The following APBB1IP variants were observed in gnomAD, a reference collection of about 807,000 sequenced individuals.
APBB1IP encodes the protein amyloid beta A4 precursor protein-binding family B member 1-interacting protein.
APBB1IP carries 27 observed loss-of-function variants against 64.9 expected under a neutral mutation model. The observed-to-expected ratio is 0.42, with a 90% CI of 0.31 to 0.57. The LOEUF (loss-of-function observed/expected upper bound fraction) is 0.57. Ranked by LOEUF, APBB1IP falls within the 20% of genes least tolerant of loss-of-function variation. The pLI is 0.20. For missense variants in APBB1IP, 812 were observed against 845.5 expected (o/e 0.96, Z 0.49); for synonymous variants, 392 against 331.0 (o/e 1.18, Z -2.00).
At chr10:26,565,852 G>C (rs1837036139) in intron 14 of APBB1IP, among the ~76,000 whole-genome samples, 1 of 152,194 alleles carries the variant, frequency 6.6e-6, no homozygotes, top group South Asian at 2.1e-4. Context: ...ACCAGAGACT[G>C]CAGACATCTG....
chr10:26,542,145 T>C (rs533896682), intron 11 of APBB1IP, among the ~76,000 whole-genome samples: 1 of 152,298 alleles, frequency 6.6e-6, no homozygotes, highest in South Asian at 2.1e-4. Context: ...ATAGGTATTA[T>C]CAAATGTTAG....
At position 26,520,425 on chromosome 10, in the gene APBB1IP, G is replaced by T. The variant is rs1836388701; in HGVS notation, c.813+6765G>T. The stretch of plus-strand genomic sequence containing the variant: ...CTGGCCCAGAATATCAGTTTTTCTG[G>T]AAAATTATCAAACTGTAAAAAACTC... On this transcript the variant is annotated intron_variant, in intron 8 of 14. Coordinates refer to ENST00000376236, the MANE Select transcript of APBB1IP (RefSeq NM_019043.4). Among the ~76,000 whole-genome samples, 3 of 152,146 alleles carry T rather than the reference G, an allele frequency of 2.0e-5. No homozygotes were observed. The South Asian group carries it at 6.2e-4, about 31-fold the overall frequency.
At chr10:26,456,259 C>T (rs1302372898) in intron 2 of APBB1IP, among the ~76,000 whole-genome samples, 2 of 152,200 alleles carry the variant, frequency 1.3e-5, no homozygotes, top group Non-Finnish European at 2.9e-5. Context: ...AGGAGCTGCT[C>T]TATCCACGGG....
At chr10:26,547,588 C>T (rs1485538160) in intron 11 of APBB1IP, among the ~76,000 whole-genome samples, 4 of 152,004 alleles carry the variant, frequency 2.6e-5, no homozygotes, top group African/African-American at 7.2e-5. Context: ...ATTACAGGAA[C>T]GCGCCACCAC....
At position 26,459,155 on chromosome 10, in the gene APBB1IP, G is replaced by C. The variant is rs1302146518; in HGVS notation, c.-1+20302G>C. Among the ~76,000 whole-genome samples the C allele has an allele frequency of 2.2e-5, 3 of 134,834 alleles. 1 individual carries two copies. The highest frequency in any genetic ancestry group is 4.4e-4 in the East Asian group (2 of 4,534). 88.5% of individuals were successfully genotyped at this position (134,834 alleles called of 152,430 possible). A position where few individuals can be genotyped will look rare whatever the true frequency, so the allele number is the denominator to read the frequency against. On this transcript the variant is annotated intron_variant, in intron 2 of 14. Transcript: ENST00000376236. ...CTTCCTGTGTCCATGTGTTCTCATTGTTCAATTCCCACCTATGAGTGAGAA... is the reference window on the plus strand; with the variant it reads ...CTTCCTGTGTCCATGTGTTCTCATTCTTCAATTCCCACCTATGAGTGAGAA...
At chr10:26,528,467 C>G (rs1333214760) in intron 8 of APBB1IP, among the ~76,000 whole-genome samples, 1 of 152,148 alleles carries the variant, frequency 6.6e-6, no homozygotes, top group African/African-American at 2.4e-5. Context: ...TAAAGTTTTT[C>G]TTGACCATCG....
At chr10:26,539,438 AGAGT>A (rs1436072711) in intron 10 of APBB1IP, among the ~76,000 whole-genome samples, 1 of 149,984 alleles carries the variant, frequency 6.7e-6, no homozygotes. Flanking sequence ...AGAAAGAGAG[AGAGT>A]GAAGGAAGGA....
chr10:26,545,779 AAAC>A (rs1836756747), intron 11 of APBB1IP, among the ~76,000 whole-genome samples: 1 of 55,510 alleles, frequency 1.8e-5, no homozygotes, highest in Non-Finnish European at 3.2e-5. Flanking sequence ...ACAAACAAAC[AAAC>A]AAAAAAAAAC....
chr10:26,491,620 G>T (rs960680243), intron 2 of APBB1IP, among the ~76,000 whole-genome samples: 12 of 152,188 alleles, frequency 7.9e-5, no homozygotes, highest in African/African-American at 2.9e-4. Context: ...TGGCAGGGCT[G>T]CCATTTAAGT....
chr10:26,469,289 TTGCTC>T (rs1564353221), intron 2 of APBB1IP, among the ~76,000 whole-genome samples: 1 of 143,782 alleles, frequency 7.0e-6, no homozygotes, highest in East Asian at 2.0e-4. Flanking sequence ...AGACAGAGTC[TTGCTC>T]TGTTGCTCAG....
intron 8 of APBB1IP, among the ~76,000 whole-genome samples, chr10:26,524,955 C>CTTTCTTTTTT (rs747655095): frequency 0.028 from 2,063 of 73,980 alleles, 76 homozygotes; most frequent in South Asian, 0.045. Context: ...TTCTTTCTTT[C>CTTTCTTTTTT]TTTTTTTTTT....
Position 26,567,008 on chromosome 10 carries a change from G to T in APBB1IP, c.1521G>T (p.Arg507=), listed in dbSNP as rs780111414. Residue 507 remains arginine, a synonymous_variant, in exon 15 of 15, where the codon CGG becomes CGT. Coordinates refer to ENST00000376236, the MANE Select transcript of APBB1IP (RefSeq NM_019043.4). ...ACCACCACGACCCGGCAGTGCCCCG[G>T]GCCCCGCACGCCCCCAAGTCCAGCC... ...LGNHHDPAVP[R]APHAPKSSLP... is the part of the protein sequence containing the mutation. 1 of 1,574,732 alleles carries T rather than the reference G, an allele frequency of 6.4e-7. No individual in the cohort carries two copies. Among genetic ancestry groups the T allele is most frequent in the South Asian group, 1.1e-5 (1 of 89,954 alleles).
rs1353910442 is a variant in APBB1IP at position 26,562,446 on chromosome 10, G to T, written c.1473+17G>T. 3.1e-6 allele frequency: 5 copies of T among 1,599,192 alleles called. No individual in the cohort carries two copies. Among genetic ancestry groups the T allele is most frequent in the Non-Finnish European group, 4.3e-6 (5 of 1,166,892 alleles). On this transcript the variant is annotated intron_variant, in intron 14 of 14. Transcript: ENST00000376236. The stretch of plus-strand genomic sequence containing the variant: ...ACATCGAAGGTAAAACCAGCAAGCA[G>T]CTGACCCCTATAAGCCATGTTCTAA...
In APBB1IP at chr10:26,567,166, C is replaced by G; in HGVS notation, c.1679C>G (p.Pro560Arg). The G allele has an allele frequency of 7.1e-7, 1 of 1,418,008 alleles. No homozygotes were observed. The allele number at this position is 1,418,008 out of a possible 1,614,324, so 87.8% of individuals were successfully genotyped here. A position where few individuals can be genotyped will look rare whatever the true frequency, so the allele number is the denominator to read the frequency against. Residue 560 changes from proline to arginine, a missense_variant, in exon 15 of 15, where the codon CCG becomes CGG. Transcript: ENST00000376236. ...GACTTCCTGCCGCCGCCGCCACCGC[C>G]GCCGCCCCTCGATGACCCTGAGCTC... ...PDDFLPPPPP[P>R]PPLDDPELPP... is the part of the protein sequence containing the mutation.
At chr10:26,480,499 A>G (rs1215392161) in intron 2 of APBB1IP, among the ~76,000 whole-genome samples, 2 of 152,192 alleles carry the variant, frequency 1.3e-5, no homozygotes. Flanking sequence ...GGGAGTGATC[A>G]ATAATATTAA....
intron 8 of APBB1IP, among the ~76,000 whole-genome samples, chr10:26,520,601 A>G (rs1836391044): frequency 6.6e-6 from 1 of 152,232 alleles, no homozygotes; most frequent in Admixed American, 6.6e-5. Context: ...AGAAGCAATA[A>G]TAAGTAAGAA....
chr10:26,520,839 A>G (rs1836393268), intron 8 of APBB1IP, among the ~76,000 whole-genome samples: 1 of 152,248 alleles, frequency 6.6e-6, no homozygotes, highest in Non-Finnish European at 1.5e-5. Context: ...CACTTGCCAC[A>G]TTGTGAAGTT....
intron 2 of APBB1IP, among the ~76,000 whole-genome samples, chr10:26,447,906 G>A (rs1001291314): frequency 2.6e-5 from 4 of 152,104 alleles, no homozygotes; most frequent in African/African-American, 9.6e-5. Flanking sequence ...AAAGTGCCGG[G>A]ATTATAGGTG....
At chr10:26,511,056 G>T (rs1387017726) in intron 6 of APBB1IP, among the ~76,000 whole-genome samples, 1 of 151,894 alleles carries the variant, frequency 6.6e-6, no homozygotes, top group Non-Finnish European at 1.5e-5. Flanking sequence ...TAAAGAAACA[G>T]GTGGCCAGGT....
Sources: gnomAD v4.1 joint callset for allele counts (sites outside exome capture counted in the v4.1 genomes callset) on GRCh38, gnomAD v4.1.1 for gene constraint, MANE v1.5 for transcripts, NCBI Gene and HGNC (gene_info 2026-07-23, HGNC 2026-07-21) for gene names.